Variants in NDUFAF2 observed in about 807,000 individuals in gnomAD.
NDUFAF2 encodes the protein NADH dehydrogenase [ubiquinone] 1 alpha subcomplex assembly factor 2.
Under a neutral mutation model 22.8 loss-of-function variants are expected in NDUFAF2, and 13 were observed. The observed-to-expected ratio is 0.57, with a 90% CI of 0.37 to 0.91. The LOEUF is 0.91. NDUFAF2 is among the 40% of genes least tolerant of loss of function. NDUFAF2 has a pLI of 0.01. For synonymous variants in NDUFAF2, 53 were observed against 64.2 expected, an observed-to-expected ratio of 0.83 and a Z score of 0.84; for missense variants, 162 against 195.2, an observed-to-expected ratio of 0.83 and a Z score of 1.01.
intron 1 of NDUFAF2, among the ~76,000 whole-genome samples, chr5:61,046,242 T>G (rs1751953304): frequency 6.6e-6 from 1 of 152,136 alleles, no homozygotes; most frequent in Non-Finnish European, 1.5e-5. Flanking sequence ...AATTTTGCAT[T>G]TGTGTTCATC....
intron 1 of NDUFAF2, among the ~76,000 whole-genome samples, chr5:60,991,954 C>T (rs935632273): frequency 3.0e-4 from 46 of 152,272 alleles, no homozygotes; most frequent in Middle Eastern, 3.4e-3. Flanking sequence ...TCCTTGCCAG[C>T]GTTTGTTATT....
chr5:61,083,032 A>T (rs1752463091), intron 2 of NDUFAF2, among the ~76,000 whole-genome samples: 1 of 152,084 alleles, frequency 6.6e-6, no homozygotes, highest in Admixed American at 6.5e-5. Context: ...AACTTCACCA[A>T]CATCTCTTAT....
chr5:61,012,894 A>G (rs1357651334), intron 1 of NDUFAF2, among the ~76,000 whole-genome samples: 1 of 152,152 alleles, frequency 6.6e-6, no homozygotes. Flanking sequence ...AGTTTCACCT[A>G]TAATCTCATT....
rs113859210 is a variant in NDUFAF2 at position 61,132,745 on chromosome 5, A to G, written c.259-19959A>G. Reference sequence around the variant, plus strand: ...GGGAATTCTACTCCCTTCTCAGTATAGTTGTTTCGAGTAGTAACTGCTTGT... The same window carrying G: ...GGGAATTCTACTCCCTTCTCAGTATGGTTGTTTCGAGTAGTAACTGCTTGT... On this transcript the variant is annotated intron_variant, in intron 3 of 3. Coordinates refer to ENST00000296597, the MANE Select transcript of NDUFAF2 (RefSeq NM_174889.5). Among the ~76,000 whole-genome samples, 1,198 of 152,130 alleles carry G rather than the reference A, an allele frequency of 7.9e-3. 15 individuals carry two copies. The highest frequency in any genetic ancestry group is 0.027 in the African/African-American group (1,122 of 41,484).
At chr5:61,129,282 C>G (rs1228316113) in intron 3 of NDUFAF2, among the ~76,000 whole-genome samples, 1 of 152,106 alleles carries the variant, frequency 6.6e-6, no homozygotes, top group Non-Finnish European at 1.5e-5. Context: ...ACCCAGCCAT[C>G]CCATTACTGG....
intron 1 of NDUFAF2, among the ~76,000 whole-genome samples, chr5:61,047,791 G>A (rs979224109): frequency 2.0e-5 from 3 of 152,090 alleles, no homozygotes; most frequent in Non-Finnish European, 2.9e-5. Context: ...TTAAGGTCAG[G>A]AAAAGTAAAA....
intron 1 of NDUFAF2, among the ~76,000 whole-genome samples, chr5:60,975,194 A>G (rs929848953): frequency 1.3e-5 from 2 of 151,990 alleles, no homozygotes; most frequent in African/African-American, 4.8e-5. Flanking sequence ...GGTTTTGTGT[A>G]TGTATGTATA....
chr5:61,102,099 C>T (rs1465650836), intron 3 of NDUFAF2, among the ~76,000 whole-genome samples: 1 of 152,034 alleles, frequency 6.6e-6, no homozygotes, highest in Non-Finnish European at 1.5e-5. Context: ...TTTTGTGAAC[C>T]ACTGATTTAT....
chr5:61,088,722 G>A (rs534672891), intron 2 of NDUFAF2, among the ~76,000 whole-genome samples: 1 of 152,176 alleles, frequency 6.6e-6, no homozygotes, highest in South Asian at 2.1e-4. Flanking sequence ...ATTGGAAAAT[G>A]ATTTGTTTCA....
chr5:61,097,906 T>C (rs1393407400), intron 2 of NDUFAF2, among the ~76,000 whole-genome samples: 1 of 152,218 alleles, frequency 6.6e-6, no homozygotes, highest in Non-Finnish European at 1.5e-5. Flanking sequence ...AGGAATTCAT[T>C]TTATTTCTAT....
At chr5:60,957,024 G>T (rs1430681715) in intron 1 of NDUFAF2, among the ~76,000 whole-genome samples, 3 of 152,080 alleles carry the variant, frequency 2.0e-5, no homozygotes, top group Non-Finnish European at 4.4e-5. Context: ...TAAAATTGAG[G>T]TTTGCTAATC....
chr5:61,111,776 G>A (rs971717008), intron 3 of NDUFAF2, among the ~76,000 whole-genome samples: 9 of 151,944 alleles, frequency 5.9e-5, no homozygotes, highest in African/African-American at 9.6e-5. Flanking sequence ...GTGCCACCAC[G>A]CCCGGCTAAT....
intron 1 of NDUFAF2, among the ~76,000 whole-genome samples, chr5:60,973,294 A>C (rs1435392941): frequency 6.6e-6 from 1 of 152,052 alleles, no homozygotes; most frequent in Non-Finnish European, 1.5e-5. Context: ...TTGAATCTTC[A>C]TGCTTGGATG....
At chr5:60,997,013 G>C (rs576641542) in intron 1 of NDUFAF2, among the ~76,000 whole-genome samples, 4 of 152,086 alleles carry the variant, frequency 2.6e-5, no homozygotes, top group Non-Finnish European at 5.9e-5. Context: ...GTTCTTGTTG[G>C]GGGGACAATT....
intron 3 of NDUFAF2, among the ~76,000 whole-genome samples, chr5:61,105,676 T>C (rs1752755246): frequency 6.8e-6 from 1 of 148,024 alleles, no homozygotes; most frequent in African/African-American, 2.5e-5. Flanking sequence ...CAATATACCA[T>C]TTACATAAAG....
intron 1 of NDUFAF2, among the ~76,000 whole-genome samples, chr5:61,071,390 A>G (rs1042365848): frequency 1.3e-5 from 2 of 152,208 alleles, no homozygotes; most frequent in Non-Finnish European, 2.9e-5. Flanking sequence ...TGGGTTGTCT[A>G]TGAACTCCCA....
intron 1 of NDUFAF2, among the ~76,000 whole-genome samples, chr5:61,033,802 AC>A (rs971832300): frequency 6.6e-6 from 1 of 152,180 alleles, no homozygotes; most frequent in Non-Finnish European, 1.5e-5. Flanking sequence ...ACAACCTCAA[AC>A]AAAAAAAAGT....
intron 1 of NDUFAF2, among the ~76,000 whole-genome samples, chr5:61,003,244 C>T (rs1057160947): frequency 2.0e-5 from 3 of 152,098 alleles, no homozygotes; most frequent in Non-Finnish European, 2.9e-5. Context: ...TTTTATTGAT[C>T]GTTCCGTACT....
rs571514833 is a variant in NDUFAF2 at position 61,130,441 on chromosome 5, A to T, written c.259-22263A>T. Among the ~76,000 whole-genome samples the T allele has an allele frequency of 2.6e-4, 40 of 152,264 alleles. 1 individual carries two copies. The South Asian group carries it at 7.7e-3, about 29-fold the overall frequency. ...TTTGGATGCACTCTTGGTTATCATG[A>T]AAGCAACATTACAGGTTATTGAACC... is the stretch of plus-strand genomic sequence containing the variant. On this transcript the variant is annotated intron_variant, in intron 3 of 3. Coordinates refer to ENST00000296597, the MANE Select transcript of NDUFAF2 (RefSeq NM_174889.5).
Sources: gnomAD v4.1 joint callset for allele counts (sites outside exome capture counted in the v4.1 genomes callset) on GRCh38, gnomAD v4.1.1 for gene constraint, MANE v1.5 for transcripts, NCBI Gene and HGNC (gene_info 2026-07-23, HGNC 2026-07-21) for gene names.